The following PGM5 variants were observed in gnomAD, a reference collection of about 807,000 sequenced individuals.
The protein encoded by PGM5 is phosphoglucomutase-like protein 5.
PGM5 carries 23 observed loss-of-function variants against 59.2 expected under a neutral mutation model. The observed-to-expected ratio is 0.39, with a 90% CI of 0.28 to 0.55. The LOEUF (loss-of-function observed/expected upper bound fraction) is 0.55, where lower values mean the gene tolerates loss of function less well. Ranked by LOEUF, PGM5 falls within the 20% of genes least tolerant of loss-of-function variation. The probability of loss-of-function intolerance (pLI) is 0.66; values close to 1 mark genes in which losing one functional copy is unlikely to be tolerated. For synonymous variants in PGM5, 214 were observed against 286.0 expected (o/e 0.75, Z 2.54); for missense variants, 574 against 748.3 (o/e 0.77, Z 2.72).
intron 10 of PGM5, among the ~76,000 whole-genome samples, chr9:68,512,648 A>G (rs146723084): frequency 2.4e-4 from 36 of 152,230 alleles, no homozygotes; most frequent in African/African-American, 8.2e-4. Context: ...CACCAGTCAT[A>G]TTGGATTAGA....
At chr9:68,453,380 C>T (rs1045504138) in intron 6 of PGM5, among the ~76,000 whole-genome samples, 1 of 152,108 alleles carries the variant, frequency 6.6e-6, no homozygotes, top group Non-Finnish European at 1.5e-5. Flanking sequence ...TTGCTGCTGC[C>T]CAGGCTGGAG....
chr9:68,497,409 A>T (rs1209190509), intron 9 of PGM5: 1 of 152,220 alleles, frequency 6.6e-6, no homozygotes, highest in Non-Finnish European at 1.5e-5. Context: ...CCAGTAGGGG[A>T]GATAGCTCCC....
intron 10 of PGM5, among the ~76,000 whole-genome samples, chr9:68,505,253 G>T (rs1472143438): frequency 3.9e-5 from 6 of 152,186 alleles, no homozygotes; most frequent in Non-Finnish European, 7.3e-5. Context: ...ATTTGTGCTT[G>T]AGTCCAAGGC....
chr9:68,476,310 T>C (rs2132087233), intron 7 of PGM5, among the ~76,000 whole-genome samples: 1 of 152,358 alleles, frequency 6.6e-6, no homozygotes, highest in East Asian at 1.9e-4. Context: ...TGCATGCTTG[T>C]GCCTTTTCAT....
intron 10 of PGM5, among the ~76,000 whole-genome samples, chr9:68,520,129 A>G (rs1354877866): frequency 1.3e-5 from 2 of 151,090 alleles, no homozygotes; most frequent in Non-Finnish European, 3.0e-5. Flanking sequence ...GTTATAAAAA[A>G]TACATCTTTT....
intron 10 of PGM5, among the ~76,000 whole-genome samples, chr9:68,505,788 T>C (rs1824643476): frequency 6.6e-6 from 1 of 152,196 alleles, no homozygotes; most frequent in Non-Finnish European, 1.5e-5. Context: ...GTAATTATGG[T>C]TGATTAAATC....
At chr9:68,373,738 A>G (rs1821798749) in intron 1 of PGM5, among the ~76,000 whole-genome samples, 2 of 152,306 alleles carry the variant, frequency 1.3e-5, no homozygotes, top group East Asian at 1.9e-4. Flanking sequence ...CTTAAAAACA[A>G]TAGAATGTTA....
Position 68,482,360 on chromosome 9 carries a change from C to T in PGM5, c.1296-1505C>T, listed in dbSNP as rs181868809. The stretch of plus-strand genomic sequence containing the variant: ...AGTGACTGCAGTCTCAGAATATATG[C>T]CCTGCTGAAAAAGAATGTTCTGAGG... On this transcript the variant is annotated intron_variant, in intron 8 of 10. Transcript: ENST00000396396. 2.0e-5 allele frequency among the ~76,000 whole-genome samples: 3 copies of T among 152,146 alleles called. No homozygotes were observed. The East Asian group carries it at 5.8e-4, about 29-fold the overall frequency.
chr9:68,504,408 T>C (rs1824624615), intron 10 of PGM5, among the ~76,000 whole-genome samples: 1 of 152,214 alleles, frequency 6.6e-6, no homozygotes, highest in African/African-American at 2.4e-5. Flanking sequence ...TACCATGATC[T>C]TGAATGACAT....
At chr9:68,379,880 G>A (rs1336355350) in intron 2 of PGM5, among the ~76,000 whole-genome samples, 1 of 151,926 alleles carries the variant, frequency 6.6e-6, no homozygotes, top group Admixed American at 6.6e-5. Context: ...TAATGATAAA[G>A]AGGTCATCTT....
At chr9:68,521,892 G>T (rs1181816618) in intron 10 of PGM5, among the ~76,000 whole-genome samples, 3 of 152,190 alleles carry the variant, frequency 2.0e-5, no homozygotes, top group Admixed American at 2.0e-4. Context: ...ACAGACAGCG[G>T]CCAGTGCTCT....
chr9:68,512,969 T>C (rs1824774712), intron 10 of PGM5, among the ~76,000 whole-genome samples: 1 of 152,216 alleles, frequency 6.6e-6, no homozygotes, highest in Non-Finnish European at 1.5e-5. Context: ...CCATTAAACA[T>C]AAAAACCATT....
chr9:68,372,666 T>C (rs1821770318), intron 1 of PGM5, among the ~76,000 whole-genome samples: 1 of 152,148 alleles, frequency 6.6e-6, no homozygotes, highest in Non-Finnish European at 1.5e-5. Context: ...TACCTGAGGC[T>C]GGGTAATTTA....
intron 6 of PGM5, among the ~76,000 whole-genome samples, chr9:68,413,911 C>T (rs649182): frequency 0.49 from 73,827 of 152,034 alleles, 19,238 homozygotes; most frequent in Non-Finnish European, 0.58. Context: ...GGTGTTTGTC[C>T]TCTCCAAACC....
rs1554687335 is a variant in PGM5, at chr9:68,483,869, G to C, written c.1300G>C (p.Asp434His). The C allele has an allele frequency of 6.2e-7, 1 of 1,613,992 alleles. No homozygotes were observed. Among genetic ancestry groups the C allele is most frequent in the Admixed American group, 1.7e-5 (1 of 60,022 alleles). The change falls in exon 9 of 11, where the codon GAC (aspartate) becomes CAC (histidine). Residue 434 changes from aspartate to histidine, a missense_variant. Transcript: ENST00000396396. ...KFGRHYYCRFDYEGLDPKTTY... is the reference protein window; with the variant it reads ...KFGRHYYCRFHYEGLDPKTTY... Reference sequence around the variant, plus strand: ...TTCCTCCTGTGTCCTCACCAGGTTTGACTATGAGGGGTTGGATCCCAAGAC... The same window carrying C: ...TTCCTCCTGTGTCCTCACCAGGTTTCACTATGAGGGGTTGGATCCCAAGAC...
At chr9:68,429,003 C>T (rs564968072) in intron 6 of PGM5, 10 of 152,288 alleles carry the variant, frequency 6.6e-5, no homozygotes, top group Middle Eastern at 3.4e-3. Flanking sequence ...TTATGTCCTT[C>T]GCTTTCTTGA....
chr9:68,394,561 A>G (rs1374428798), intron 6 of PGM5: 1 of 151,776 alleles, frequency 6.6e-6, no homozygotes, highest in Non-Finnish European at 1.5e-5. Flanking sequence ...CAAAAAAGAC[A>G]TTCTGGAGAC....
intron 6 of PGM5, among the ~76,000 whole-genome samples, chr9:68,450,896 T>C (rs1424792235): frequency 1.3e-5 from 2 of 152,178 alleles, no homozygotes; most frequent in East Asian, 3.8e-4. Context: ...ACTGAGAGAA[T>C]TCTGGGATGG....
At chr9:68,396,834 T>G (rs1822518164) in intron 6 of PGM5, 1 of 152,184 alleles carries the variant, frequency 6.6e-6, no homozygotes. Flanking sequence ...ATTATAGGAA[T>G]GTGCCCATAA....
Sources: allele counts gnomAD v4.1 joint callset (sites outside exome capture counted in the v4.1 genomes callset), GRCh38; gene constraint gnomAD v4.1.1; transcripts MANE v1.5; gene names NCBI Gene and HGNC (gene_info 2026-07-23, HGNC 2026-07-21).